The following DYNC2H1 variants were observed in gnomAD, a reference collection of about 807,000 sequenced individuals.
The protein encoded by DYNC2H1 is dynein cytoplasmic 2 heavy chain 1.
Under a neutral mutation model 570.0 loss-of-function variants are expected in DYNC2H1, and 410 were observed. The observed-to-expected ratio is 0.72, with a 90% CI of 0.66 to 0.78. The LOEUF (loss-of-function observed/expected upper bound fraction) is 0.78. Ranked by LOEUF, DYNC2H1 falls within the 30% of genes least tolerant of loss-of-function variation. DYNC2H1 has a pLI of 0.00. For synonymous variants in DYNC2H1, 1,688 were observed against 1,677.6 expected, an observed-to-expected ratio of 1.01 and a Z score of -0.15; for missense variants, 4,865 against 5,046.4, an observed-to-expected ratio of 0.96 and a Z score of 1.09.
At chr11:103,473,149 T>A (rs989545801) in intron 88 of DYNC2H1, among the ~76,000 whole-genome samples, 1 of 152,192 alleles carries the variant, frequency 6.6e-6, no homozygotes, top group Non-Finnish European at 1.5e-5. Flanking sequence ...ATTAACAAGA[T>A]TGGAATGATG....
intron 65 of DYNC2H1, among the ~76,000 whole-genome samples, chr11:103,251,368 GC>G (rs1232999054): frequency 6.6e-6 from 1 of 151,444 alleles, no homozygotes; most frequent in Non-Finnish European, 1.5e-5. Flanking sequence ...TATATACTTT[GC>G]CATTCTTTAA....
chr11:103,118,307 C>A (rs1858519624), intron 6 of DYNC2H1, among the ~76,000 whole-genome samples: 1 of 151,704 alleles, frequency 6.6e-6, no homozygotes, highest in Admixed American at 6.6e-5. Flanking sequence ...GCAAAACTGA[C>A]CATTCCTGCC....
intron 55 of DYNC2H1, among the ~76,000 whole-genome samples, chr11:103,218,714 G>A (rs1312548031): frequency 1.3e-5 from 2 of 152,172 alleles, no homozygotes; most frequent in African/African-American, 4.8e-5. Flanking sequence ...TACACATTGA[G>A]TATCTGCTAC....
At chr11:103,330,764 G>A (rs530805534) in intron 82 of DYNC2H1, among the ~76,000 whole-genome samples, 5 of 151,718 alleles carry the variant, frequency 3.3e-5, no homozygotes, top group East Asian at 2.0e-4. Flanking sequence ...GAAACTGGCC[G>A]GTCACAGTAC....
At chr11:103,391,682 A>C (rs951490851) in intron 83 of DYNC2H1, among the ~76,000 whole-genome samples, 2 of 152,090 alleles carry the variant, frequency 1.3e-5, no homozygotes, top group Non-Finnish European at 2.9e-5. Context: ...TTTGGTGTGG[A>C]TGTCCCTTCT....
At chr11:103,471,474 G>A (rs1945383652) in intron 88 of DYNC2H1, among the ~76,000 whole-genome samples, 1 of 152,158 alleles carries the variant, frequency 6.6e-6, no homozygotes, top group Admixed American at 6.6e-5. Flanking sequence ...ACTTCACTGA[G>A]CCAGTTTCCT....
At position 103,289,881 on chromosome 11, in the gene DYNC2H1, T is replaced by C. The variant is rs896557973; in HGVS notation, c.11095+2276T>C. 6.6e-6 allele frequency among the ~76,000 whole-genome samples: 1 copy of C among 152,160 alleles called. No homozygotes were observed. Among genetic ancestry groups the C allele is most frequent in the African/African-American group, 2.4e-5 (1 of 41,448 alleles). On this transcript the variant is annotated intron_variant, in intron 75 of 88. Coordinates refer to ENST00000375735, the MANE Select transcript of DYNC2H1 (RefSeq NM_001377.3). The surrounding 1 kb of genome is among the most constrained non-coding windows in gnomAD (Gnocchi z 4.2). ...CTGAGTGTTCCTCAATCCAATATGA[T>C]TGGTGTCCTTACAAGAAGACATCCA...
chr11:103,292,627 T>C (rs1185527557), intron 75 of DYNC2H1, among the ~76,000 whole-genome samples: 1 of 152,208 alleles, frequency 6.6e-6, no homozygotes, highest in African/African-American at 2.4e-5. Context: ...ATTTGAGCCA[T>C]GGGGGCAGAT....
chr11:103,394,147 T>C (rs1488378683), intron 83 of DYNC2H1, among the ~76,000 whole-genome samples: 1 of 152,196 alleles, frequency 6.6e-6, no homozygotes, highest in African/African-American at 2.4e-5. Context: ...AAACAATTTA[T>C]TGGGTATTTA....
rs749130785 is a variant in DYNC2H1 at position 103,334,280 on chromosome 11, T to A, written c.12039+10290T>A. Among the ~76,000 whole-genome samples the A allele has an allele frequency of 2.4e-4, 36 of 152,194 alleles. No homozygotes were observed. The highest frequency in any genetic ancestry group is 5.1e-4 in the Non-Finnish European group (35 of 68,016). Reference sequence around the variant, plus strand: ...TGTGTGACTAGTAAAACATTGAGGATTCTACTGGTAAAGAAAAAAAGCAAG... The same window carrying A: ...TGTGTGACTAGTAAAACATTGAGGAATCTACTGGTAAAGAAAAAAAGCAAG... On this transcript the variant is annotated intron_variant, in intron 82 of 88. Transcript: ENST00000375735. This position sits in a 1 kb window ranked among gnomAD's most constrained non-coding sequence, Gnocchi z 4.3.
intron 83 of DYNC2H1, among the ~76,000 whole-genome samples, chr11:103,392,893 T>G (rs1942227027): frequency 6.6e-6 from 1 of 151,722 alleles, no homozygotes; most frequent in South Asian, 2.1e-4. Context: ...ACTATTTTTT[T>G]TTTTTTTGAA....
In DYNC2H1 at chr11:103,145,315, G is replaced by A. The variant is rs986535997; in HGVS notation, c.2702+1920G>A. Among the ~76,000 whole-genome samples the A allele has an allele frequency of 1.3e-5, 2 of 152,192 alleles. No individual in the cohort carries two copies. The highest frequency in any genetic ancestry group is 6.5e-5 in the Admixed American group (1 of 15,286). On this transcript the variant is annotated intron_variant, in intron 18 of 88. Coordinates refer to ENST00000375735, the MANE Select transcript of DYNC2H1 (RefSeq NM_001377.3). The surrounding 1 kb of genome is among the most constrained non-coding windows in gnomAD (Gnocchi z 4.2). The stretch of plus-strand genomic sequence containing the variant: ...AGACAAATGACTTGAGGGTTTGAGC[G>A]TGGGTGATTTGGATACTGGTAGGAC...
chr11:103,327,082 G>A lies in DYNC2H1; in HGVS notation c.12039+3092G>A, dbSNP rs373187469. ...ACTTCCTCAGGAGTTGCTTGGGGCC[G>A]GGAACAGCCCCGAGCATTATGTTAA... On this transcript the variant is annotated intron_variant, in intron 82 of 88. Coordinates refer to ENST00000375735, the MANE Select transcript of DYNC2H1 (RefSeq NM_001377.3). 2.0e-5 allele frequency among the ~76,000 whole-genome samples: 3 copies of A among 152,196 alleles called. No homozygotes were observed. The East Asian group carries it at 5.8e-4, about 30-fold the overall frequency.
In DYNC2H1 at chr11:103,225,879, G is replaced by A. The variant is rs1437245436; in HGVS notation, c.9353+2793G>A. Among the ~76,000 whole-genome samples the A allele has an allele frequency of 5.3e-5, 8 of 151,936 alleles. No individual in the cohort carries two copies. The East Asian group carries it at 1.5e-3, about 29-fold the overall frequency. On this transcript the variant is annotated intron_variant, in intron 59 of 88. Transcript: ENST00000375735. ...TTCACAATATCGATTCTGCCCATCT[G>A]TGAGCATGGGATATGTTTCCATTTG... is the stretch of plus-strand genomic sequence containing the variant.
At chr11:103,248,865 C>T (rs3912623) in intron 65 of DYNC2H1, among the ~76,000 whole-genome samples, 26,755 of 151,732 alleles carry the variant, frequency 0.18, 3,007 homozygotes, top group African/African-American at 0.32. Context: ...ATGTTCATTC[C>T]GTTGTACACG....
rs764490703 is a variant in DYNC2H1 at position 103,253,387 on chromosome 11, A to G, written c.10145A>G (p.Asp3382Gly). Residue 3382 changes from aspartate to glycine, a missense_variant, in exon 66 of 89, where the codon GAT (aspartate) becomes GGT (glycine). By Grantham distance (94) the Asp-to-Gly change is moderately conservative (BLOSUM62 -1). This residue lies in a region of DYNC2H1 where 2,401 missense variants were observed against 2,454.6 expected (regional missense o/e 0.98). Transcript: ENST00000375735. ...TRNPNPFIPP[D>G]AASIVTEVNF... ...AACCCAAATCCTTTTATTCCACCGGATGCAGCTTCCATTGTTACTGAGGTT... is the reference window on the plus strand; with the variant it reads ...AACCCAAATCCTTTTATTCCACCGGGTGCAGCTTCCATTGTTACTGAGGTT... 5 of 1,613,416 alleles carry G rather than the reference A, an allele frequency of 3.1e-6. No individual in the cohort carries two copies. In the Admixed American group the frequency reaches 5.0e-5, roughly 16 times the overall value.
rs983700534 is a variant in DYNC2H1, at chr11:103,231,297, G to A, written c.9391G>A (p.Glu3131Lys). Residue 3131 changes from glutamate to lysine, a missense_variant, in exon 60 of 89, where the codon GAG becomes AAG. Physicochemically the swap from Glu to Lys is moderately conservative, Grantham distance 56. Coordinates refer to ENST00000375735, the MANE Select transcript of DYNC2H1 (RefSeq NM_001377.3). ...AACTGAAGACAGAAAAAGGAAACTA[G>A]AGGAGCTTCTTAATTCTGTTGGTCA... ...KKTEDRKRKL[E>K]ELLNSVGQKV... 1.3e-5 allele frequency: 21 copies of A among 1,607,180 alleles called. No homozygotes were observed. Among genetic ancestry groups the A allele is most frequent in the Non-Finnish European group, 1.8e-5 (21 of 1,177,026 alleles).
chr11:103,124,201 T>C (rs1426290224), intron 11 of DYNC2H1, among the ~76,000 whole-genome samples: 1 of 152,008 alleles, frequency 6.6e-6, no homozygotes, highest in African/African-American at 2.4e-5. Flanking sequence ...TCCCAGTACT[T>C]TGGGAGGCCA....
chr11:103,261,611 C>T lies in DYNC2H1; in HGVS notation c.10695+1634C>T, dbSNP rs180776362. Among the ~76,000 whole-genome samples the T allele has an allele frequency of 1.5e-3, 235 of 152,274 alleles. No individual in the cohort carries two copies. The highest frequency in any genetic ancestry group is 5.3e-3 in the African/African-American group (222 of 41,546). ...GCAGACCTGCAGCAGAGGGGCCTGACTGTTAGAAGGAAAACTAACAAACAG... is the reference window on the plus strand; with the variant it reads ...GCAGACCTGCAGCAGAGGGGCCTGATTGTTAGAAGGAAAACTAACAAACAG... On this transcript the variant is annotated intron_variant, in intron 70 of 88. Transcript: ENST00000375735. This position sits in a 1 kb window ranked among gnomAD's most constrained non-coding sequence, Gnocchi z 4.8.
Sources: allele counts gnomAD v4.1 joint callset (sites outside exome capture counted in the v4.1 genomes callset), GRCh38; gene constraint gnomAD v4.1.1; regional missense constraint gnomAD v4.1.1; non-coding constraint Gnocchi (gnomAD v3.1); transcripts MANE v1.5; gene names NCBI Gene and HGNC (gene_info 2026-07-23, HGNC 2026-07-21).